The following MSH4 variants were observed in gnomAD, a reference collection of about 807,000 sequenced individuals.
The protein encoded by MSH4 is mutS protein homolog 4.
In MSH4, 106 loss-of-function variants were observed where a neutral mutation model predicts 113.7. The observed-to-expected ratio is 0.93, with a 90% CI of 0.80 to 1.10. The LOEUF is 1.10. MSH4 is among the 50% of genes least tolerant of loss of function. The pLI is 0.00. For synonymous variants in MSH4, 368 were observed against 380.2 expected (o/e 0.97, Z 0.37); for missense variants, 1,061 against 1,093.7 (o/e 0.97, Z 0.42).
At chr1:75,833,646 T>C (rs1036046496) in intron 7 of MSH4, among the ~76,000 whole-genome samples, 70 of 151,914 alleles carry the variant, frequency 4.6e-4, no homozygotes, top group Non-Finnish European at 3.8e-4. Context: ...TACAACCATC[T>C]AATCTTTGAC....
intron 3 of MSH4, among the ~76,000 whole-genome samples, chr1:75,809,371 G>A (rs1180861328): frequency 6.6e-6 from 1 of 151,724 alleles, no homozygotes; most frequent in South Asian, 2.1e-4. Flanking sequence ...CAACCTTAAT[G>A]ATACTAGTAT....
intron 7 of MSH4, among the ~76,000 whole-genome samples, chr1:75,835,054 C>T (rs763082864): frequency 1.3e-5 from 2 of 152,228 alleles, no homozygotes; most frequent in Non-Finnish European, 2.9e-5. Flanking sequence ...ATATGTACTA[C>T]TCTTTGTCCA....
intron 9 of MSH4, among the ~76,000 whole-genome samples, chr1:75,871,123 A>G (rs1651704483): frequency 6.6e-6 from 1 of 152,178 alleles, no homozygotes; most frequent in South Asian, 2.1e-4. Context: ...AGAAGGGGAA[A>G]CAAGGCACCT....
intron 15 of MSH4, among the ~76,000 whole-genome samples, chr1:75,888,390 A>C (rs1652173209): frequency 2.0e-5 from 3 of 152,100 alleles, no homozygotes; most frequent in East Asian, 3.9e-4. Context: ...TTTGTTTTCA[A>C]AAAACGAATA....
intron 19 of MSH4, among the ~76,000 whole-genome samples, chr1:75,906,444 AAT>A (rs368612174): frequency 4.5e-4 from 30 of 66,588 alleles, no homozygotes; most frequent in African/African-American, 1.8e-3. Context: ...TAATATATAT[AAT>A]ATATATACAA....
In MSH4 at chr1:75,897,897, T is replaced by C. The variant is rs1482201511; in HGVS notation, c.2356-10T>C. 1 of 1,472,358 alleles carries C rather than the reference T, an allele frequency of 6.8e-7. No individual in the cohort carries two copies. Among genetic ancestry groups the C allele is most frequent in the Non-Finnish European group, 9.0e-7 (1 of 1,106,120 alleles). 91.2% of individuals were successfully genotyped at this position (1,472,358 alleles called of 1,614,324 possible). ...AAGTACTAATATTCATTGTCTGTTA[T>C]ATATTCCAGGCATTTACACTGTTTG... is the stretch of plus-strand genomic sequence containing the variant. On this transcript the variant is annotated splice_polypyrimidine_tract_variant and intron_variant, in intron 17 of 19. Transcript: ENST00000263187.
chr1:75,800,993 A>G (rs1268338786), intron 1 of MSH4, among the ~76,000 whole-genome samples: 1 of 152,210 alleles, frequency 6.6e-6, no homozygotes, highest in Non-Finnish European at 1.5e-5. Flanking sequence ...AAATACTCAC[A>G]TATGCTGCTT....
chr1:75,880,204 G>T, intron 13 of MSH4, 51 bp downstream of exon 13: 1 of 950,550 alleles, frequency 1.1e-6, no homozygotes, highest in Non-Finnish European at 1.6e-6. Context: ...TTTAATTTGA[G>T]AAACTGTTAC....
At chr1:75,848,308 A>T in intron 8 of MSH4, 32 bp downstream of exon 8, 1 of 1,357,670 alleles carries the variant, frequency 7.4e-7, no homozygotes, top group Non-Finnish European at 1.0e-6. Flanking sequence ...GTATTATATT[A>T]TTATACATTA....
intron 6 of MSH4, among the ~76,000 whole-genome samples, chr1:75,820,802 C>A (rs1650391644): frequency 6.6e-6 from 1 of 151,956 alleles, no homozygotes; most frequent in African/African-American, 2.4e-5. Context: ...TCAAAAGAGA[C>A]AAAGAAGGCC....
chr1:75,841,293 G>C (rs1650955136), intron 7 of MSH4, among the ~76,000 whole-genome samples: 1 of 151,838 alleles, frequency 6.6e-6, no homozygotes, highest in Non-Finnish European at 1.5e-5. Flanking sequence ...AAACCTCTGG[G>C]TTCAAGTGAT....
chr1:75,839,056 G>C (rs111380509), intron 7 of MSH4, among the ~76,000 whole-genome samples: 77 of 152,016 alleles, frequency 5.1e-4, no homozygotes, highest in Non-Finnish European at 2.2e-4. Context: ...ATTGTATTCT[G>C]TTATTCCCAA....
At chr1:75,859,099 C>T (rs1485921835) in intron 8 of MSH4, among the ~76,000 whole-genome samples, 4 of 152,218 alleles carry the variant, frequency 2.6e-5, no homozygotes, top group East Asian at 1.9e-4. Flanking sequence ...TCTGTGGGAT[C>T]GATGGTGATA....
intron 8 of MSH4, among the ~76,000 whole-genome samples, chr1:75,862,752 GTTAAACTGAATGA>G (rs1651486158): frequency 6.6e-6 from 1 of 152,096 alleles, no homozygotes; most frequent in Non-Finnish European, 1.5e-5. Flanking sequence ...ACTTGTGCTG[GTTAAACTGAATGA>G]TTTGCTAAAA....
At chr1:75,805,885 C>T (rs1265134839) in intron 2 of MSH4, among the ~76,000 whole-genome samples, 1 of 151,590 alleles carries the variant, frequency 6.6e-6, no homozygotes, top group Non-Finnish European at 1.5e-5. Context: ...TTAAATTAGC[C>T]AATAATCATT....
intron 3 of MSH4, among the ~76,000 whole-genome samples, chr1:75,807,491 A>G (rs896157943): frequency 1.3e-5 from 2 of 152,184 alleles, no homozygotes; most frequent in Non-Finnish European, 2.9e-5. Context: ...AAATGCCATA[A>G]TCCCGATGTT....
intron 9 of MSH4, among the ~76,000 whole-genome samples, chr1:75,869,643 A>G (rs1651668388): frequency 6.6e-6 from 1 of 152,214 alleles, no homozygotes; most frequent in South Asian, 2.1e-4. Flanking sequence ...CCATGGCTTC[A>G]GAGGGTGCAG....
intron 9 of MSH4, among the ~76,000 whole-genome samples, chr1:75,869,110 G>T (rs547200999): frequency 9.0e-4 from 137 of 152,304 alleles, no homozygotes; most frequent in Admixed American, 1.8e-3. Flanking sequence ...AATGCTGATA[G>T]TTATAGGGAT....
At chr1:75,867,066 T>G (rs1427791343) in intron 8 of MSH4, among the ~76,000 whole-genome samples, 2 of 152,202 alleles carry the variant, frequency 1.3e-5, no homozygotes, top group Non-Finnish European at 2.9e-5. Context: ...TATGAAAAGT[T>G]TTACTTGAAC....
Sources: allele counts gnomAD v4.1 joint callset (sites outside exome capture counted in the v4.1 genomes callset), GRCh38; gene constraint gnomAD v4.1.1; transcripts MANE v1.5; gene names NCBI Gene and HGNC (gene_info 2026-07-23, HGNC 2026-07-21).